SLC12A4: variants seen among roughly 807,000 people sequenced by gnomAD.
The protein encoded by SLC12A4 is solute carrier family 12 member 4, also known as electroneutral potassium-chloride cotransporter 1.
In SLC12A4, 84 loss-of-function variants were observed where a neutral mutation model predicts 119.2. The ratio of observed to expected loss-of-function variants is 0.70; its 90% CI spans 0.59 to 0.85. The LOEUF is 0.85. Ranked by LOEUF, SLC12A4 falls within the 40% of genes least tolerant of loss-of-function variation. SLC12A4 has a pLI of 0.00. For synonymous variants in SLC12A4, 599 were observed against 604.6 expected (o/e 0.99, Z 0.14); for missense variants, 1,298 against 1,476.3 (o/e 0.88, Z 1.98).
rs369106532 is a variant in SLC12A4 at position 67,946,218 on chromosome 16, C to T, written c.2560G>A (p.Asp854Asn). 31 of 1,613,816 alleles carry T rather than the reference C, an allele frequency of 1.9e-5. No individual in the cohort carries two copies. Among genetic ancestry groups the T allele is most frequent in the Non-Finnish European group, 2.5e-5 (29 of 1,180,044 alleles). Residue 854 changes from aspartate to asparagine, a missense_variant, in exon 19 of 24, where the codon GAT becomes AAT. Asp to Asn is a conservative substitution (Grantham distance 23). Transcript: ENST00000316341. ...GHIDVWWIVH[D>N]GGMLMLLPFL... The stretch of plus-strand genomic sequence containing the variant: ...GGCAGAAGCATGAGCATGCCACCAT[C>T]GTGCACGATCCACCACACGTCTATG...
At chr16:67,968,351 C>T (rs1026350131) in intron 1 of SLC12A4, 88 bp downstream of exon 1, 2 of 1,236,186 alleles carry the variant, frequency 1.6e-6, no homozygotes, top group Admixed American at 3.1e-5. Context: ...CGCAAGGTCC[C>T]GGGATAGGTG....
intron 1 of SLC12A4, chr16:67,963,940 A>G: frequency 6.4e-7 from 1 of 1,551,388 alleles, no homozygotes. Flanking sequence ...CCCAATGTGC[A>G]GGATGCCAAG....
At chr16:67,957,485 A>G (rs2030331021) in intron 5 of SLC12A4, 1 of 484,702 alleles carries the variant, frequency 2.1e-6, no homozygotes, top group Admixed American at 3.6e-5. Flanking sequence ...TGCACTTTCA[A>G]ACCCTCTTAC....
chr16:67,947,624 C>T (rs766029569), intron 15 of SLC12A4, 45 bp downstream of exon 15: 14 of 1,573,638 alleles, frequency 8.9e-6, no homozygotes, highest in East Asian at 4.6e-5. Flanking sequence ...CCTGCTCGGC[C>T]GGGCCCCCTC....
At chr16:67,952,081 C>T (rs929601179) in intron 7 of SLC12A4, 44 bp from the exon 8 acceptor site, 1 of 1,608,272 alleles carries the variant, frequency 6.2e-7, no homozygotes, top group Admixed American at 1.7e-5. Context: ...GTCAAAGCCC[C>T]TGCCTGTGCC....
At chr16:67,963,974 C>A in intron 1 of SLC12A4, 1 of 1,551,460 alleles carries the variant, frequency 6.4e-7, no homozygotes. Flanking sequence ...CAGGGACCGC[C>A]CAGGCAGTGC....
intron 6 of SLC12A4, chr16:67,954,131 C>T: frequency 2.4e-6 from 1 of 411,378 alleles, no homozygotes; most frequent in Non-Finnish European, 4.9e-6. Context: ...CGGCAGTTCA[C>T]TGGGGAATGA....
At chr16:67,961,510 G>A in intron 3 of SLC12A4, 65 bp downstream of exon 3, 3 of 1,579,560 alleles carry the variant, frequency 1.9e-6, no homozygotes, top group Non-Finnish European at 2.6e-6. Context: ...TGGGGAAACA[G>A]TCAATTCCAT....
At chr16:67,954,041 C>A in intron 6 of SLC12A4, 1 of 275,078 alleles carries the variant, frequency 3.6e-6, no homozygotes, top group Non-Finnish European at 7.5e-6. Flanking sequence ...CTCCAGGTAT[C>A]TCCTACCCTC....
Position 67,947,011 on chromosome 16 carries a change from C to G in SLC12A4, c.2167G>C (p.Gly723Arg), listed in dbSNP as rs764407851. The G allele has an allele frequency of 6.2e-7, 1 of 1,613,162 alleles. No individual in the cohort carries two copies. Among genetic ancestry groups the G allele is most frequent in the South Asian group, 1.1e-5 (1 of 91,084 alleles). ...TFASQLKAGK[G>R]LTIVGSVIQG... ...ATGACAGAACCAACAATGGTCAGGCCCTTGCCAGCCTTGAGCTGGGAGGCG... is the reference window on the plus strand; with the variant it reads ...ATGACAGAACCAACAATGGTCAGGCGCTTGCCAGCCTTGAGCTGGGAGGCG... The change falls in exon 17 of 24, where the codon GGC becomes CGC. Residue 723 changes from glycine (G) to arginine (R), a missense_variant. Transcript: ENST00000316341.
At chr16:67,966,241 G>A (rs936293402) in intron 1 of SLC12A4, among the ~76,000 whole-genome samples, 10 of 152,254 alleles carry the variant, frequency 6.6e-5, no homozygotes, top group East Asian at 1.9e-4. Context: ...GGCACTCCTC[G>A]GAGTTCCCCC....
chr16:67,956,837 T>C (rs533845967), intron 5 of SLC12A4, among the ~76,000 whole-genome samples: 332 of 150,978 alleles, frequency 2.2e-3, no homozygotes, highest in South Asian at 4.0e-3. Context: ...CACACACATA[T>C]ATATATATAT....
In SLC12A4 at chr16:67,944,712, C is replaced by A. The variant is rs2058320061; in HGVS notation, c.*128G>T. ...TGGTTTCCAAGGAGACCTAGCAAAG[C>A]TGGGTCCAGGACAGGGCCAGGCAAG... On this transcript the variant is annotated 3_prime_UTR_variant, in exon 24 of 24. Transcript: ENST00000316341. This position sits in a 1 kb window ranked among gnomAD's most constrained non-coding sequence, Gnocchi z 6.6. 10 of 1,445,294 alleles carry A rather than the reference C, an allele frequency of 6.9e-6. No individual in the cohort carries two copies. In the South Asian group the frequency reaches 1.3e-4, roughly 19 times the overall value. The allele number at this position is 1,445,294 out of a possible 1,614,324, so 89.5% of individuals were successfully genotyped here.
At chr16:67,956,619 GGT>G (rs1167546697) in intron 5 of SLC12A4, among the ~76,000 whole-genome samples, 1 of 150,404 alleles carries the variant, frequency 6.6e-6, no homozygotes, top group Non-Finnish European at 1.5e-5. Flanking sequence ...GGGAAATGGA[GGT>G]TGCAGTGAGC....
rs889374810 is a variant in SLC12A4 at position 67,954,900 on chromosome 16, G to A, written c.545-127C>T. 4.1e-5 allele frequency: 48 copies of A among 1,167,424 alleles called. 1 individual carries two copies. The highest frequency in any genetic ancestry group is 2.4e-4 in the Middle Eastern group (1 of 4,212). The allele number at this position is 1,167,424 out of a possible 1,614,324, so 72.3% of individuals were successfully genotyped here. A position where few individuals can be genotyped will look rare whatever the true frequency, so the allele number is the denominator to read the frequency against. On this transcript the variant is annotated intron_variant, in intron 5 of 23. Transcript: ENST00000316341. ...CTTTTCCTGTTTGTGGATGAGTAGAGGGGCTGGGAGACCTACCCAGGGCTG... is the reference window on the plus strand; with the variant it reads ...CTTTTCCTGTTTGTGGATGAGTAGAAGGGCTGGGAGACCTACCCAGGGCTG...
At position 67,950,752 on chromosome 16, in the gene SLC12A4, CTG is replaced by C; in HGVS notation, c.1397-43_1397-42del. ...GGAAAACTCGGCCTCTGCCACCCCA[CTG>C]TCCCTGAATAGTACCACGTGCCCCC... On this transcript the variant is annotated intron_variant, in intron 10 of 23. Transcript: ENST00000316341. This position sits in a 1 kb window ranked among gnomAD's most constrained non-coding sequence, Gnocchi z 4.3. The C allele has an allele frequency of 2.5e-6, 4 of 1,581,664 alleles. No homozygotes were observed. Among genetic ancestry groups the C allele is most frequent in the Non-Finnish European group, 3.4e-6 (4 of 1,164,544 alleles).
rs2058348775 is a variant in SLC12A4 at position 67,946,350 on chromosome 16, A to G, written c.2438-10T>C. The G allele has an allele frequency of 6.2e-7, 1 of 1,606,946 alleles. No homozygotes were observed. The highest frequency in any genetic ancestry group is 1.3e-5 in the African/African-American group (1 of 74,920). On this transcript the variant is annotated splice_polypyrimidine_tract_variant and intron_variant, in intron 18 of 23. Coordinates refer to ENST00000316341, the MANE Select transcript of SLC12A4 (RefSeq NM_005072.5). The stretch of plus-strand genomic sequence containing the variant: ...GTGCAGCGCACGGTGTCTGGGGAGG[A>G]GGAGCACGGCTGACCACCAGTCTGT...
In SLC12A4 at chr16:67,944,455, G is replaced by A. The variant is rs878965445; in HGVS notation, c.*385C>T. ...GATCTTCCTGCAGGCAGCTGGGCTG[G>A]ACTCCCTCCCTGGCTACCCTTCCCT... is the stretch of plus-strand genomic sequence containing the variant. On this transcript the variant is annotated 3_prime_UTR_variant, in exon 24 of 24. Transcript: ENST00000316341. The surrounding 1 kb of genome is among the most constrained non-coding windows in gnomAD (Gnocchi z 6.6). 1 of 1,255,990 alleles carries A rather than the reference G, an allele frequency of 8.0e-7. No homozygotes were observed. The highest frequency in any genetic ancestry group is 1.0e-6 in the Non-Finnish European group (1 of 998,250). The allele number at this position is 1,255,990 out of a possible 1,614,324, so 77.8% of individuals were successfully genotyped here.
In SLC12A4 at chr16:67,950,599, G is replaced by T; in HGVS notation, c.1454+55C>A. 1.2e-6 allele frequency: 2 copies of T among 1,608,070 alleles called. No homozygotes were observed. The highest frequency in any genetic ancestry group is 2.7e-5 in the African/African-American group (2 of 74,808). ...ACCACCCACGGGGTTGGGAGCTGGT[G>T]TGAGGGCAGGCCAAAGCCCAGCCGC... On this transcript the variant is annotated intron_variant, in intron 11 of 23. Transcript: ENST00000316341. This position sits in a 1 kb window ranked among gnomAD's most constrained non-coding sequence, Gnocchi z 4.3.
Sources: allele counts gnomAD v4.1 joint callset (sites outside exome capture counted in the v4.1 genomes callset), GRCh38; gene constraint gnomAD v4.1.1; non-coding constraint Gnocchi (gnomAD v3.1); transcripts MANE v1.5; gene names NCBI Gene and HGNC (gene_info 2026-07-23, HGNC 2026-07-21).